Variants in MAP3K5 observed in about 807,000 individuals in gnomAD.
MAP3K5 encodes mitogen-activated protein kinase kinase kinase 5.
MAP3K5 carries 56 observed loss-of-function variants against 158.7 expected under a neutral mutation model. The observed-to-expected ratio is 0.35, with a 90% CI of 0.28 to 0.44. MAP3K5 has a LOEUF of 0.44. MAP3K5 is among the 20% of genes least tolerant of loss of function. The pLI, the probability that MAP3K5 is intolerant of heterozygous loss-of-function variation, is 1.00. For synonymous variants in MAP3K5, 579 were observed against 601.7 expected, an observed-to-expected ratio of 0.96 and a Z score of 0.55; for missense variants, 1,294 against 1,674.8, an observed-to-expected ratio of 0.77 and a Z score of 3.97.
At chr6:136,617,772 A>C (rs1776630315) in intron 15 of MAP3K5, among the ~76,000 whole-genome samples, 1 of 152,032 alleles carries the variant, frequency 6.6e-6, no homozygotes, top group Non-Finnish European at 1.5e-5. Flanking sequence ...CTCTCTACTA[A>C]AAATATAAAA....
At position 136,784,421 on chromosome 6, in the gene MAP3K5, C is replaced by T. The variant is rs139967096; in HGVS notation, c.448+7289G>A. On this transcript the variant is annotated intron_variant, in intron 1 of 29. Transcript: ENST00000359015. ...ACCCATTATCCAAGAAAGCAAGAAG[C>T]AGCAGTGCTGTCAGTTTGTGTGCGG... 3.9e-3 allele frequency among the ~76,000 whole-genome samples: 589 copies of T among 152,312 alleles called. 16 individuals carry two copies. In the South Asian group the frequency reaches 0.057, roughly 15 times the overall value.
chr6:136,651,865 T>C (rs904374220), intron 10 of MAP3K5, among the ~76,000 whole-genome samples: 9 of 152,146 alleles, frequency 5.9e-5, no homozygotes, highest in Admixed American at 1.3e-4. Flanking sequence ...ATAACACACA[T>C]GCCCTGATTT....
At chr6:136,733,443 C>T (rs1782311645) in intron 1 of MAP3K5, among the ~76,000 whole-genome samples, 1 of 152,132 alleles carries the variant, frequency 6.6e-6, no homozygotes, top group Admixed American at 6.5e-5. Flanking sequence ...CTGGTGCATA[C>T]CAAGTACTTT....
intron 23 of MAP3K5, among the ~76,000 whole-genome samples, chr6:136,590,742 G>A (rs565195624): frequency 4.9e-4 from 75 of 151,944 alleles, no homozygotes; most frequent in South Asian, 2.5e-3. Context: ...GGGTTTCACC[G>A]TGTTAGCCAG....
At position 136,687,346 on chromosome 6, in the gene MAP3K5, T is replaced by C. The variant is rs1322975826; in HGVS notation, c.1253+6794A>G. Among the ~76,000 whole-genome samples, 7 of 152,218 alleles carry C rather than the reference T, an allele frequency of 4.6e-5. No homozygotes were observed. In the East Asian group the frequency reaches 9.7e-4, roughly 21 times the overall value. ...CTAGAAGAAAACCTAGGCAATACCA[T>C]GCAGGACATAGGTATGAGCAAAGAC... On this transcript the variant is annotated intron_variant, in intron 7 of 29. Coordinates refer to ENST00000359015, the MANE Select transcript of MAP3K5 (RefSeq NM_005923.4).
At chr6:136,696,513 T>C (rs1388099768) in intron 5 of MAP3K5, among the ~76,000 whole-genome samples, 1 of 152,180 alleles carries the variant, frequency 6.6e-6, no homozygotes, top group Admixed American at 6.5e-5. Context: ...CAGGATCCTA[T>C]GTGCCACAGC....
At chr6:136,698,724 G>C (rs763908989) in intron 3 of MAP3K5, 42 bp from the exon 4 acceptor site, 1 of 1,440,886 alleles carries the variant, frequency 6.9e-7, no homozygotes, top group Non-Finnish European at 9.7e-7. Context: ...AGCTGGCCTG[G>C]AGACACGGCA....
At chr6:136,569,682 C>T (rs2129070712) in intron 25 of MAP3K5, among the ~76,000 whole-genome samples, 1 of 152,278 alleles carries the variant, frequency 6.6e-6, no homozygotes, top group Middle Eastern at 3.4e-3. Context: ...AAGCTATACC[C>T]CAACTGCCCT....
chr6:136,593,754 C>T (rs1369407604), intron 21 of MAP3K5: 2 of 372,984 alleles, frequency 5.4e-6, no homozygotes, highest in Admixed American at 3.6e-5. Flanking sequence ...TTGCCAGAAA[C>T]ATCTTTATCA....
rs11961518 is a variant in MAP3K5 at position 136,707,872 on chromosome 6, C to T, written c.589-2739G>A. Among the ~76,000 whole-genome samples the T allele has an allele frequency of 5.8e-3, 887 of 152,146 alleles. 7 individuals carry two copies. The highest frequency in any genetic ancestry group is 0.021 in the African/African-American group (853 of 41,492). On this transcript the variant is annotated intron_variant, in intron 2 of 29. Coordinates refer to ENST00000359015, the MANE Select transcript of MAP3K5 (RefSeq NM_005923.4). Reference sequence around the variant, plus strand: ...CTCCATACACTGGAATACATTACACCCAAACAAACAATGAAGAACCAAACA... The same window carrying T: ...CTCCATACACTGGAATACATTACACTCAAACAAACAATGAAGAACCAAACA...
intron 18 of MAP3K5, among the ~76,000 whole-genome samples, chr6:136,605,872 T>C (rs542906865): frequency 6.0e-4 from 91 of 152,364 alleles, no homozygotes; most frequent in African/African-American, 2.1e-3. Context: ...TTCTTAATCA[T>C]GACAGCATAA....
chr6:136,771,059 A>G (rs980600139), intron 1 of MAP3K5, among the ~76,000 whole-genome samples: 3 of 152,170 alleles, frequency 2.0e-5, no homozygotes, highest in African/African-American at 7.2e-5. Flanking sequence ...TTTCTGTATG[A>G]AAGTACGTTT....
intron 24 of MAP3K5, among the ~76,000 whole-genome samples, chr6:136,583,034 G>C (rs147595356): frequency 6.6e-6 from 1 of 152,312 alleles, no homozygotes; most frequent in Non-Finnish European, 1.5e-5. Flanking sequence ...TCTGTACTCT[G>C]AAAGTATACT....
intron 1 of MAP3K5, among the ~76,000 whole-genome samples, chr6:136,757,942 G>A (rs1783580044): frequency 6.6e-6 from 1 of 151,872 alleles, no homozygotes; most frequent in Non-Finnish European, 1.5e-5. Flanking sequence ...TATATTTTAG[G>A]GAACACAAAA....
chr6:136,576,813 A>C (rs572517977), intron 25 of MAP3K5, among the ~76,000 whole-genome samples: 1 of 152,306 alleles, frequency 6.6e-6, no homozygotes, highest in East Asian at 1.9e-4. Context: ...TGGTCCCATA[A>C]GATTGTAATA....
chr6:136,616,849 C>T (rs1205895102), intron 15 of MAP3K5, among the ~76,000 whole-genome samples: 1 of 151,946 alleles, frequency 6.6e-6, no homozygotes, highest in African/African-American at 2.4e-5. Flanking sequence ...CCATTTCAGC[C>T]TCCCGAGTAG....
At chr6:136,696,554 A>G (rs1051171495) in intron 5 of MAP3K5, among the ~76,000 whole-genome samples, 63 of 152,312 alleles carry the variant, frequency 4.1e-4, no homozygotes, top group African/African-American at 1.3e-3. Context: ...TCTTGAGCAC[A>G]TGAAGCCTTT....
intron 15 of MAP3K5, among the ~76,000 whole-genome samples, chr6:136,621,024 A>C (rs1023605623): frequency 2.6e-5 from 4 of 152,174 alleles, no homozygotes; most frequent in African/African-American, 9.7e-5. Context: ...GTGCAAAAGT[A>C]ATTGCGGTTT....
chr6:136,728,999 C>A (rs2114817335), intron 1 of MAP3K5, among the ~76,000 whole-genome samples: 1 of 152,148 alleles, frequency 6.6e-6, no homozygotes, highest in Admixed American at 6.5e-5. Flanking sequence ...AGGAGTGAAA[C>A]AGAGACAGAG....
Sources: allele counts gnomAD v4.1 joint callset (sites outside exome capture counted in the v4.1 genomes callset), GRCh38; gene constraint gnomAD v4.1.1; transcripts MANE v1.5; gene names NCBI Gene and HGNC (gene_info 2026-07-23, HGNC 2026-07-21).